Variants in RRP12 observed in about 807,000 individuals in gnomAD.
RRP12 encodes ribosomal RNA processing 12 homolog, also known as RRP12-like protein.
In RRP12, 78 loss-of-function variants were observed where a neutral mutation model predicts 157.3. The ratio of observed to expected loss-of-function variants is 0.50; its 90% confidence interval spans 0.41 to 0.60. RRP12 has a LOEUF of 0.60. RRP12 is among the 20% of genes least tolerant of loss of function. The pLI is 0.00. For missense variants in RRP12, 1,521 were observed against 1,679.9 expected (o/e 0.91, Z 1.65); for synonymous variants, 726 against 670.9 (o/e 1.08, Z -1.27).
In RRP12 at chr10:97,363,909, G is replaced by C. The variant is rs780397791; in HGVS notation, c.3518-6C>G. ...AGCCATCTCTTCATCTTCGCCTGGAGCCAAAAAAGAGAGGCCCATGAGCGC... is the reference window on the plus strand; with the variant it reads ...AGCCATCTCTTCATCTTCGCCTGGACCCAAAAAAGAGAGGCCCATGAGCGC... On this transcript the variant is annotated splice_region_variant and splice_polypyrimidine_tract_variant and intron_variant, in intron 29 of 33. Coordinates refer to ENST00000370992, the MANE Select transcript of RRP12 (RefSeq NM_015179.4). 2.5e-6 allele frequency: 4 copies of C among 1,613,422 alleles called. No individual in the cohort carries two copies. The highest frequency in any genetic ancestry group is 3.4e-6 in the Non-Finnish European group (4 of 1,179,728).
chr10:97,389,715 T>C (rs1041896942), intron 6 of RRP12, among the ~76,000 whole-genome samples: 2 of 152,040 alleles, frequency 1.3e-5, no homozygotes, highest in Non-Finnish European at 2.9e-5. Context: ...TATCTCTATT[T>C]CTTTTTTTTT....
rs573337120 is a variant in RRP12, at chr10:97,371,953, A to G, written c.2343+120T>C. 8.7e-5 allele frequency: 57 copies of G among 652,312 alleles called. 1 individual carries two copies. The highest frequency in any genetic ancestry group is 7.5e-4 in the Admixed American group (28 of 37,114). The allele number at this position is 652,312 out of a possible 1,614,324, so 40.4% of individuals were successfully genotyped here. A position where few individuals can be genotyped will look rare whatever the true frequency, so the allele number is the denominator to read the frequency against. On this transcript the variant is annotated intron_variant, in intron 20 of 33. Transcript: ENST00000370992. The stretch of plus-strand genomic sequence containing the variant: ...AAGAGAAGCCACTGCAGGAGAAAGC[A>G]GACAGGGACCTGATCTCGGGAAGCA...
At position 97,358,594 on chromosome 10, in the gene RRP12, T is replaced by C. The variant is rs766284500; in HGVS notation, c.3734A>G (p.Lys1245Arg). Reference sequence around the variant, plus strand: ...GTAGGCATAGGGATCCGGCCGGCCTTTCTTCTTCACATCACCTTTTGCTTT... The same window carrying C: ...GTAGGCATAGGGATCCGGCCGGCCTCTCTTCTTCACATCACCTTTTGCTTT... The part of the protein sequence containing the change: ...AKKAKGDVKK[K>R]GRPDPYAYIP... The change falls in exon 33 of 34, where the codon AAA (lysine) becomes AGA (arginine). Residue 1245 changes from lysine to arginine, a missense_variant. Coordinates refer to ENST00000370992, the MANE Select transcript of RRP12 (RefSeq NM_015179.4). 4 of 1,613,922 alleles carry C rather than the reference T, an allele frequency of 2.5e-6. No homozygotes were observed. Among genetic ancestry groups the C allele is most frequent in the Non-Finnish European group, 2.5e-6 (3 of 1,179,918 alleles).
Position 97,366,560 on chromosome 10 carries a change from G to A in RRP12, c.3277C>T (p.Arg1093Ter). The change falls in exon 28 of 34, where the codon CGA becomes TGA. Residue 1093 changes from arginine (R) to a stop codon, truncating the protein, a stop_gained. Transcript: ENST00000370992. LOFTEE classifies it high-confidence loss of function. ...EEDNEEEERS[R>*]GKEQRKLARQ... ...GCCAGCTTCCGCTGCTCCTTGCCTC[G>A]GCTTCTTTCCTCCTCCTCATTGTCC... 2.5e-6 allele frequency: 4 copies of A among 1,614,008 alleles called. No individual in the cohort carries two copies. The highest frequency in any genetic ancestry group is 3.4e-6 in the Non-Finnish European group (4 of 1,180,026).
intron 8 of RRP12, among the ~76,000 whole-genome samples, chr10:97,386,663 A>G (rs1484575186): frequency 6.6e-6 from 1 of 152,120 alleles, no homozygotes; most frequent in East Asian, 1.9e-4. Context: ...ATATTTTACA[A>G]TTTTAAAAAT....
chr10:97,388,649 C>T lies in RRP12; in HGVS notation c.754-25G>A. 1.9e-5 allele frequency: 31 copies of T among 1,610,346 alleles called. 1 individual carries two copies. Among genetic ancestry groups the T allele is most frequent in the Non-Finnish European group, 2.5e-5 (30 of 1,177,150 alleles). On this transcript the variant is annotated intron_variant, in intron 6 of 33. Coordinates refer to ENST00000370992, the MANE Select transcript of RRP12 (RefSeq NM_015179.4). ...TCTGAGGGGCAAGGAGAGCAGGAGA[C>T]AAGGCCAGATCAGCGTTCCACCAGC...
intron 2 of RRP12, among the ~76,000 whole-genome samples, chr10:97,397,480 A>G (rs1016263725): frequency 6.6e-6 from 1 of 152,158 alleles, no homozygotes; most frequent in Non-Finnish European, 1.5e-5. Context: ...TTATTTTAAA[A>G]AGATTTTTCA....
At chr10:97,389,716 CT>C (rs1003320195) in intron 6 of RRP12, among the ~76,000 whole-genome samples, 1 of 151,314 alleles carries the variant, frequency 6.6e-6, no homozygotes, top group East Asian at 1.9e-4. Context: ...ATCTCTATTT[CT>C]TTTTTTTTCT....
At chr10:97,367,427 TA>T in intron 25 of RRP12, 1 of 452,034 alleles carries the variant, frequency 2.2e-6, no homozygotes, top group Non-Finnish European at 4.0e-6. Flanking sequence ...ATCCTTGGAC[TA>T]CCCCTGAGAT....
chr10:97,380,696 G>T, intron 13 of RRP12, 103 bp downstream of exon 13: 1 of 803,606 alleles, frequency 1.2e-6, no homozygotes, highest in Non-Finnish European at 2.1e-6. Flanking sequence ...AGGGTGGGGT[G>T]CGGAGCAGGG....
chr10:97,373,850 A>C lies in RRP12; in HGVS notation c.1843T>G (p.Tyr615Asp). The change falls in exon 16 of 34, where the codon TAC becomes GAC. Residue 615 changes from tyrosine to aspartate, a missense_variant. Tyr to Asp is a radical substitution (Grantham distance 160, BLOSUM62 -3). Coordinates refer to ENST00000370992, the MANE Select transcript of RRP12 (RefSeq NM_015179.4). The stretch of plus-strand genomic sequence containing the variant: ...CTTACCTGCCACTGGAGTGTGTCGT[A>C]GATCTTAGATTCCACTGTGCTGCCT... ...QAGSTVESKI[Y>D]DTLQWQMWTL... 1.2e-6 allele frequency: 2 copies of C among 1,613,806 alleles called. No individual in the cohort carries two copies. Among genetic ancestry groups the C allele is most frequent in the Non-Finnish European group, 1.7e-6 (2 of 1,179,888 alleles).
At chr10:97,379,203 G>T in intron 15 of RRP12, 90 bp downstream of exon 15, 1 of 1,448,156 alleles carries the variant, frequency 6.9e-7, no homozygotes, top group Non-Finnish European at 9.6e-7. Flanking sequence ...GGCTGGGTGT[G>T]TGGGACTCAG....
intron 25 of RRP12, 93 bp from the exon 26 acceptor site, chr10:97,367,225 G>A: frequency 9.2e-7 from 1 of 1,091,196 alleles, no homozygotes; most frequent in Non-Finnish European, 1.4e-6. Context: ...GCATGATCAA[G>A]CCCAGCTGAG....
intron 22 of RRP12, 25 bp downstream of exon 22, chr10:97,370,691 C>T: frequency 1.2e-6 from 2 of 1,613,082 alleles, no homozygotes; most frequent in South Asian, 1.1e-5. Context: ...AGGGACCCCC[C>T]TCTAAAACAC....
chr10:97,358,140 C>A (rs12415424), intron 33 of RRP12, among the ~76,000 whole-genome samples: 37,885 of 151,648 alleles, frequency 0.25, 4,881 homozygotes, highest in South Asian at 0.34. Context: ...CGAGACCATC[C>A]CAGCCAACGC....
At chr10:97,398,015 A>T (rs1479156355) in intron 2 of RRP12, among the ~76,000 whole-genome samples, 1 of 70,688 alleles carries the variant, frequency 1.4e-5, no homozygotes, top group East Asian at 4.5e-4. Context: ...ACATATATAT[A>T]TATATATGTA....
At chr10:97,383,660 G>A (rs1844531077) in intron 10 of RRP12, among the ~76,000 whole-genome samples, 1 of 152,260 alleles carries the variant, frequency 6.6e-6, no homozygotes, top group South Asian at 2.1e-4. Flanking sequence ...TTACTATTAA[G>A]TGGCCAAGCC....
At chr10:97,367,018 C>T in intron 26 of RRP12, 23 bp downstream of exon 26, 1 of 1,613,238 alleles carries the variant, frequency 6.2e-7, no homozygotes. Flanking sequence ...TGCCCTACCC[C>T]CGCCCCTGCT....
rs772423212 is a variant in RRP12 at position 97,366,427 on chromosome 10, T to C, written c.3391+19A>G. On this transcript the variant is annotated intron_variant, in intron 28 of 33. Coordinates refer to ENST00000370992, the MANE Select transcript of RRP12 (RefSeq NM_015179.4). Reference sequence around the variant, plus strand: ...TGGCAAGTCTGTTTTCTGAGTGCACTGGCCAGCCCTGTGCTTACCCAGGAC... The same window carrying C: ...TGGCAAGTCTGTTTTCTGAGTGCACCGGCCAGCCCTGTGCTTACCCAGGAC... The C allele has an allele frequency of 6.3e-7, 1 of 1,587,950 alleles. No homozygotes were observed. The highest frequency in any genetic ancestry group is 1.8e-5 in the Admixed American group (1 of 55,886).
Sources: gnomAD v4.1 joint callset for allele counts (sites outside exome capture counted in the v4.1 genomes callset) on GRCh38, gnomAD v4.1.1 for gene constraint, MANE v1.5 for transcripts, NCBI Gene and HGNC (gene_info 2026-07-23, HGNC 2026-07-21) for gene names.